Variants in DCAF4L2 observed in about 807,000 individuals in gnomAD.
DCAF4L2 encodes the protein DDB1 and CUL4 associated factor 4 like 2, also known as DDB1- and CUL4-associated factor 4-like protein 2.
Under a neutral mutation model 15.5 loss-of-function variants are expected in DCAF4L2, and 13 were observed. The observed-to-expected ratio is 0.84, with a 90% CI of 0.54 to 1.33. The LOEUF (loss-of-function observed/expected upper bound fraction) is 1.33. Among genes scored for constraint, DCAF4L2 ranks in the 40% most tolerant of loss-of-function variants. The probability of loss-of-function intolerance (pLI) is 0.00; values close to 1 mark genes in which losing one functional copy is unlikely to be tolerated. For synonymous variants in DCAF4L2, 251 were observed against 207.0 expected (o/e 1.21, Z -1.83); for missense variants, 519 against 509.6 (o/e 1.02, Z -0.18).
Position 87,873,249 on chromosome 8 carries a change from A to C in DCAF4L2, c.723T>G (p.Asn241Lys). 1.2e-6 allele frequency: 2 copies of C among 1,614,204 alleles called. No individual in the cohort carries two copies. The highest frequency in any genetic ancestry group is 1.6e-4 in the Middle Eastern group (1 of 6,062). The change falls in exon 1 of 1, where the codon AAT (asparagine) becomes AAG (lysine). Residue 241 changes from asparagine to lysine, a missense_variant. Coordinates refer to ENST00000319675, the MANE Select transcript of DCAF4L2 (RefSeq NM_152418.4). ...CAAAGATCTCCCCAGAGCGACAGCCATTAAACAGCAAAGGAGTCATGATTG... is the reference window on the plus strand; with the variant it reads ...CAAAGATCTCCCCAGAGCGACAGCCCTTAAACAGCAAAGGAGTCATGATTG... The part of the protein sequence containing the change: ...QFAIMTPLLF[N>K]GCRSGEIFGI...
rs746297789 is a variant in DCAF4L2, at chr8:87,872,960, T to G, written c.1012A>C (p.Thr338Pro). 1.2e-6 allele frequency: 2 copies of G among 1,614,008 alleles called. No homozygotes were observed. Among genetic ancestry groups the G allele is most frequent in the Non-Finnish European group, 1.7e-6 (2 of 1,180,014 alleles). Residue 338 changes from threonine to proline, a missense_variant, in exon 1 of 1, where the codon ACG becomes CCG. Physicochemically the swap from Thr to Pro is conservative, Grantham distance 38. Transcript: ENST00000319675. ...VVAAVGQDCY[T>P]RIWSLRHGHL... is the part of the protein sequence containing the mutation. Reference sequence around the variant, plus strand: ...CCATGACGGAGGCTCCAGATTCTCGTGTAGCAGTCCTGGCCCACGGCCGCC... The same window carrying G: ...CCATGACGGAGGCTCCAGATTCTCGGGTAGCAGTCCTGGCCCACGGCCGCC...
rs1262041549 is a variant in DCAF4L2, at chr8:87,873,622, T to C, written c.350A>G (p.His117Arg). The change falls in exon 1 of 1, where the codon CAC becomes CGC. Residue 117 changes from histidine (H) to arginine (R), a missense_variant. Coordinates refer to ENST00000319675, the MANE Select transcript of DCAF4L2 (RefSeq NM_152418.4). ...CCGATTAGGGACGTAGAGGGTTTTG[T>C]GCGGGTATACCCGGAGCTCAGGGGT... ...LTTPELRVYP[H>R]KTLYVPNRKV... 1.9e-6 allele frequency: 3 copies of C among 1,614,036 alleles called. No homozygotes were observed. The highest frequency in any genetic ancestry group is 3.3e-5 in the Admixed American group (2 of 60,004).
Position 87,870,947 on chromosome 8 carries a change from T to C in DCAF4L2, c.*1837A>G, listed in dbSNP as rs959240153. On this transcript the variant is annotated 3_prime_UTR_variant, in exon 1 of 1. Coordinates refer to ENST00000319675, the MANE Select transcript of DCAF4L2 (RefSeq NM_152418.4). ...CTTTAAACCAATATCTACTTTATGA[T>C]TTAGTTTTATTATCTAAGACATTTT... The C allele has an allele frequency of 3.9e-5, 6 of 151,948 alleles. No homozygotes were observed. The highest frequency in any genetic ancestry group is 5.9e-5 in the Non-Finnish European group (4 of 68,004). The allele number at this position is 151,948 out of a possible 1,614,324, so 9.4% of individuals were successfully genotyped here. A position where few individuals can be genotyped will look rare whatever the true frequency, so the allele number is the denominator to read the frequency against.
rs1257724952 is a variant in DCAF4L2 at position 87,871,082 on chromosome 8, C to A, written c.*1702G>T. 6.6e-6 allele frequency: 1 copy of A among 151,976 alleles called. No homozygotes were observed. Among genetic ancestry groups the A allele is most frequent in the African/African-American group, 2.4e-5 (1 of 41,314 alleles). 9.4% of individuals were successfully genotyped at this position (151,976 alleles called of 1,614,324 possible). A position where few individuals can be genotyped will look rare whatever the true frequency, so the allele number is the denominator to read the frequency against. Reference sequence around the variant, plus strand: ...TATGCACCTAACCACTCTTTTGTATCTTCTCTATTGACCTATTCCTCTATC... The same window carrying A: ...TATGCACCTAACCACTCTTTTGTATATTCTCTATTGACCTATTCCTCTATC... On this transcript the variant is annotated 3_prime_UTR_variant, in exon 1 of 1. Coordinates refer to ENST00000319675, the MANE Select transcript of DCAF4L2 (RefSeq NM_152418.4).
rs777654490 is a variant in DCAF4L2 at position 87,873,138 on chromosome 8, G to A, written c.834C>T (p.Ile278=). The change falls in exon 1 of 1, where the codon ATC becomes ATT. Residue 278 remains isoleucine, a synonymous_variant. Coordinates refer to ENST00000319675, the MANE Select transcript of DCAF4L2 (RefSeq NM_152418.4). ...SHDSAVTSLQ[I]LQDGQFLVSS... ...ACACCAGGAATTGGCCATCTTGGAG[G>A]ATTTGCAGAGAAGTCACTGCTGAAT... The A allele has an allele frequency of 8.7e-6, 14 of 1,614,202 alleles. No homozygotes were observed. The East Asian group carries it at 2.7e-4, about 31-fold the overall frequency.
At position 87,872,978 on chromosome 8, in the gene DCAF4L2, C is replaced by T. The variant is rs747432904; in HGVS notation, c.994G>A (p.Val332Met). ...VNEEEGVVAA[V>M]GQDCYTRIWS... Reference sequence around the variant, plus strand: ...ATTCTCGTGTAGCAGTCCTGGCCCACGGCCGCCACGACTCCTTCTTCTTCG... The same window carrying T: ...ATTCTCGTGTAGCAGTCCTGGCCCATGGCCGCCACGACTCCTTCTTCTTCG... The change falls in exon 1 of 1, where the codon GTG becomes ATG. Residue 332 changes from valine (V) to methionine (M), a missense_variant. Transcript: ENST00000319675. 3.1e-6 allele frequency: 5 copies of T among 1,614,008 alleles called. No individual in the cohort carries two copies. Among genetic ancestry groups the T allele is most frequent in the Non-Finnish European group, 3.4e-6 (4 of 1,180,016 alleles).
chr8:87,873,955 G>T lies in DCAF4L2; in HGVS notation c.17C>A (p.Pro6Gln). 9 of 1,613,716 alleles carry T rather than the reference G, an allele frequency of 5.6e-6. No individual in the cohort carries two copies. The highest frequency in any genetic ancestry group is 6.8e-6 in the Non-Finnish European group (8 of 1,179,822). Residue 6 changes from proline (P) to glutamine (Q), a missense_variant, in exon 1 of 1, where the codon CCG (proline) becomes CAG (glutamine). Coordinates refer to ENST00000319675, the MANE Select transcript of DCAF4L2 (RefSeq NM_152418.4). ...CTTGTCTGCTTCCTCGAGCAGTCGC[G>T]GTCTTTTGCTCTCCATTTCGTTCGG... Reference protein sequence around the residue: MESKRPRLLEEADKQK... With the variant: MESKRQRLLEEADKQK...
At position 87,872,668 on chromosome 8, in the gene DCAF4L2, T is replaced by G. The variant is rs1198883028; in HGVS notation, c.*116A>C. 4 of 1,094,610 alleles carry G rather than the reference T, an allele frequency of 3.7e-6. No homozygotes were observed. The highest frequency in any genetic ancestry group is 5.1e-6 in the Non-Finnish European group (4 of 788,056). 67.8% of individuals were successfully genotyped at this position (1,094,610 alleles called of 1,614,324 possible). A position where few individuals can be genotyped will look rare whatever the true frequency, so the allele number is the denominator to read the frequency against. ...CAGCACCTTACCCCTAGCAGCCGGA[T>G]GGATGGGATCTACAAACACCGAACA... On this transcript the variant is annotated 3_prime_UTR_variant, in exon 1 of 1. Coordinates refer to ENST00000319675, the MANE Select transcript of DCAF4L2 (RefSeq NM_152418.4).
rs1195861417 is a variant in DCAF4L2, at chr8:87,871,820, A to G, written c.*964T>C. The G allele has an allele frequency of 6.6e-6, 1 of 152,546 alleles. No individual in the cohort carries two copies. 9.4% of individuals were successfully genotyped at this position (152,546 alleles called of 1,614,324 possible). A position where few individuals can be genotyped will look rare whatever the true frequency, so the allele number is the denominator to read the frequency against. On this transcript the variant is annotated 3_prime_UTR_variant, in exon 1 of 1. Coordinates refer to ENST00000319675, the MANE Select transcript of DCAF4L2 (RefSeq NM_152418.4). Reference sequence around the variant, plus strand: ...TGTGCCTTATTTTATATTATGCTTTATCCAATTGTATGACTACAGCACAAA... The same window carrying G: ...TGTGCCTTATTTTATATTATGCTTTGTCCAATTGTATGACTACAGCACAAA...
In DCAF4L2 at chr8:87,871,544, G is replaced by A. The variant is rs1248880506; in HGVS notation, c.*1240C>T. On this transcript the variant is annotated 3_prime_UTR_variant, in exon 1 of 1. Coordinates refer to ENST00000319675, the MANE Select transcript of DCAF4L2 (RefSeq NM_152418.4). ...GACATACAAAATATGTATGTATCAA[G>A]GATCAAGAAAAAGAAAACAGCATTT... 1 of 151,970 alleles carries A rather than the reference G, an allele frequency of 6.6e-6. No individual in the cohort carries two copies. Among genetic ancestry groups the A allele is most frequent in the Non-Finnish European group, 1.5e-5 (1 of 67,958 alleles). 9.4% of individuals were successfully genotyped at this position (151,970 alleles called of 1,614,324 possible).
rs974498763 is a variant in DCAF4L2, at chr8:87,871,570, C to G, written c.*1214G>C. On this transcript the variant is annotated 3_prime_UTR_variant, in exon 1 of 1. Transcript: ENST00000319675. ...GATCAAGAAAAAGAAAACAGCATTT[C>G]TAAAGTTTCCCCGTGTTACTTTCCA... 1 of 152,108 alleles carries G rather than the reference C, an allele frequency of 6.6e-6. No homozygotes were observed. Among genetic ancestry groups the G allele is most frequent in the Non-Finnish European group, 1.5e-5 (1 of 67,992 alleles). 9.4% of individuals were successfully genotyped at this position (152,108 alleles called of 1,614,324 possible).
At position 87,871,846 on chromosome 8, in the gene DCAF4L2, T is replaced by C. The variant is rs189075982; in HGVS notation, c.*938A>G. The C allele has an allele frequency of 1.3e-5, 2 of 153,664 alleles. No homozygotes were observed. Among genetic ancestry groups the C allele is most frequent in the East Asian group, 1.9e-4 (1 of 5,180 alleles). The allele number at this position is 153,664 out of a possible 1,614,324, so 9.5% of individuals were successfully genotyped here. On this transcript the variant is annotated 3_prime_UTR_variant, in exon 1 of 1. Transcript: ENST00000319675. Reference sequence around the variant, plus strand: ...TCCAATTGTATGACTACAGCACAAATTATTTATCAATTTTAGCATATTGTA... The same window carrying C: ...TCCAATTGTATGACTACAGCACAAACTATTTATCAATTTTAGCATATTGTA...
At position 87,873,896 on chromosome 8, in the gene DCAF4L2, G is replaced by A. The variant is rs750853501; in HGVS notation, c.76C>T (p.Pro26Ser). The change falls in exon 1 of 1, where the codon CCT (proline) becomes TCT (serine). Residue 26 changes from proline (P) to serine (S), a missense_variant. Transcript: ENST00000319675. ...AGCTGGTTCTTTCGTAGCATGGAAG[G>A]TGCATTGAGTCCCACTCTGACTGTC... ...KKTVRVGLNA[P>S]SMLRKNQLGF... The A allele has an allele frequency of 1.2e-6, 2 of 1,613,980 alleles. No homozygotes were observed. The highest frequency in any genetic ancestry group is 8.5e-7 in the Non-Finnish European group (1 of 1,180,040).
chr8:87,872,536 A>C lies in DCAF4L2; in HGVS notation c.*248T>G. On this transcript the variant is annotated 3_prime_UTR_variant, in exon 1 of 1. Coordinates refer to ENST00000319675, the MANE Select transcript of DCAF4L2 (RefSeq NM_152418.4). ...AAAAAAGGGGGGGATAACTATTCTAAGGTATTCAACAAGAAAAGGAAATAG... is the reference window on the plus strand; with the variant it reads ...AAAAAAGGGGGGGATAACTATTCTACGGTATTCAACAAGAAAAGGAAATAG... 1 of 360,274 alleles carries C rather than the reference A, an allele frequency of 2.8e-6. No individual in the cohort carries two copies. The highest frequency in any genetic ancestry group is 4.5e-5 in the East Asian group (1 of 22,122). 22.3% of individuals were successfully genotyped at this position (360,274 alleles called of 1,614,324 possible).
rs1168474184 is a variant in DCAF4L2, at chr8:87,873,722, C to A, written c.250G>T (p.Asp84Tyr). 6.2e-7 allele frequency: 1 copy of A among 1,614,148 alleles called. No individual in the cohort carries two copies. The highest frequency in any genetic ancestry group is 1.3e-5 in the African/African-American group (1 of 75,038). The change falls in exon 1 of 1, where the codon GAC (aspartate) becomes TAC (tyrosine). Residue 84 changes from aspartate to tyrosine, a missense_variant. Coordinates refer to ENST00000319675, the MANE Select transcript of DCAF4L2 (RefSeq NM_152418.4). ...ACTTGGTTCACTGTGAAGAGCTGGT[C>A]AGTGTTGGTATTCGCCAGTATGCGG... is the stretch of plus-strand genomic sequence containing the variant. Reference protein sequence around the residue: ...FNRILANTNTDQLFTVNQVEA... With the variant: ...FNRILANTNTYQLFTVNQVEA...
rs915743774 is a variant in DCAF4L2 at position 87,872,007 on chromosome 8, C to T, written c.*777G>A. 7 of 161,460 alleles carry T rather than the reference C, an allele frequency of 4.3e-5. No homozygotes were observed. Among genetic ancestry groups the T allele is most frequent in the African/African-American group, 1.7e-4 (7 of 41,362 alleles). The allele number at this position is 161,460 out of a possible 1,614,324, so 10.0% of individuals were successfully genotyped here. A position where few individuals can be genotyped will look rare whatever the true frequency, so the allele number is the denominator to read the frequency against. ...ACAGGCTAACACTTTGAATAAACAT[C>T]TCACAAACTGCTGCTCCTAGATTAC... On this transcript the variant is annotated 3_prime_UTR_variant, in exon 1 of 1. Transcript: ENST00000319675.
At position 87,873,168 on chromosome 8, in the gene DCAF4L2, G is replaced by A. The variant is rs1809432910; in HGVS notation, c.804C>T (p.Ser268=). The change falls in exon 1 of 1, where the codon TCC becomes TCT. Residue 268 remains serine, a synonymous_variant. Transcript: ENST00000319675. ...GCAGAGAAGTCACTGCTGAATCATG[G>A]GACAGGCAAATGGCCTTCCACCCGC... ...QGSGWKAICL[S]HDSAVTSLQI... is the part of the protein sequence containing the mutation. 2 of 1,614,150 alleles carry A rather than the reference G, an allele frequency of 1.2e-6. No homozygotes were observed. Among genetic ancestry groups the A allele is most frequent in the Non-Finnish European group, 1.7e-6 (2 of 1,180,034 alleles).
At position 87,873,225 on chromosome 8, in the gene DCAF4L2, AAAG is replaced by A; in HGVS notation, c.744_746del (p.Phe249del). ...GATTTCCACAGCGCAGATCAATGCC[AAAG>A]ATCTCCCCAGAGCGACAGCCATTAA... On this transcript the variant is annotated inframe_deletion, in exon 1 of 1. Coordinates refer to ENST00000319675, the MANE Select transcript of DCAF4L2 (RefSeq NM_152418.4). 1 of 1,614,164 alleles carries A rather than the reference AAAG, an allele frequency of 6.2e-7. No individual in the cohort carries two copies. The highest frequency in any genetic ancestry group is 8.5e-7 in the Non-Finnish European group (1 of 1,180,030).
Position 87,872,860 on chromosome 8 carries a change from C to A in DCAF4L2, c.1112G>T (p.Arg371Leu). The stretch of plus-strand genomic sequence containing the variant: ...TGGTGCTCCTCGGAAGCCCCCGAGG[C>A]GAGAAGAGAAGGCCACACTGGGAAT... ...NDIPSVAFSSRLGGFRGAPGL... is the reference protein window; with the variant it reads ...NDIPSVAFSSLLGGFRGAPGL... Residue 371 changes from arginine (R) to leucine (L), a missense_variant, in exon 1 of 1, where the codon CGC becomes CTC. Physicochemically the swap from Arg to Leu is moderately radical, Grantham distance 102. Coordinates refer to ENST00000319675, the MANE Select transcript of DCAF4L2 (RefSeq NM_152418.4). The A allele has an allele frequency of 6.2e-7, 1 of 1,613,856 alleles. No individual in the cohort carries two copies. Among genetic ancestry groups the A allele is most frequent in the Non-Finnish European group, 8.5e-7 (1 of 1,179,864 alleles).
Sources: allele counts gnomAD v4.1 joint callset, GRCh38; gene constraint gnomAD v4.1.1; transcripts MANE v1.5; gene names NCBI Gene and HGNC (gene_info 2026-07-23, HGNC 2026-07-21).